The following BCKDHB variants were observed in gnomAD, a reference collection of about 807,000 sequenced individuals.
BCKDHB encodes the protein 2-oxoisovalerate dehydrogenase subunit beta, mitochondrial.
BCKDHB carries 41 observed loss-of-function variants against 48.5 expected under a neutral mutation model. The observed-to-expected ratio is 0.85, with a 90% CI of 0.66 to 1.10. The LOEUF is 1.10. Among genes scored for constraint, BCKDHB ranks in the 50% least tolerant of loss-of-function variants. The pLI, the probability that BCKDHB is intolerant of heterozygous loss-of-function variation, is 0.00. For missense variants in BCKDHB, 496 were observed against 494.2 expected, an observed-to-expected ratio of 1.00 and a Z score of -0.03; for synonymous variants, 201 against 174.8, an observed-to-expected ratio of 1.15 and a Z score of -1.18.
At chr6:80,224,982 T>C (rs1775620986) in intron 8 of BCKDHB, among the ~76,000 whole-genome samples, 1 of 152,242 alleles carries the variant, frequency 6.6e-6, no homozygotes, top group East Asian at 1.9e-4. Context: ...CAGTTTTCCA[T>C]TGTTGAACTG....
At chr6:80,425,021 G>A in the BCKDHB span, among the ~76,000 whole-genome samples, 21 of 152,244 alleles carry the variant, frequency 1.4e-4, no homozygotes, top group East Asian at 3.5e-3. Flanking sequence ...AAGAGGAATG[G>A]CCAAAATTAT....
intron 8 of BCKDHB, among the ~76,000 whole-genome samples, chr6:80,260,704 C>A (rs1777263651): frequency 6.6e-6 from 1 of 152,082 alleles, no homozygotes; most frequent in Non-Finnish European, 1.5e-5. Flanking sequence ...GCTCAAATTT[C>A]TTTTGAACCA....
chr6:80,174,836 A>AGTGTGAGG (rs1467383281), intron 6 of BCKDHB, among the ~76,000 whole-genome samples: 1 of 152,196 alleles, frequency 6.6e-6, no homozygotes, highest in Non-Finnish European at 1.5e-5. Context: ...CCACATCTGC[A>AGTGTGAGG]GTGTGAGGTG....
chr6:80,275,253 G>A (rs1226239186), intron 9 of BCKDHB, among the ~76,000 whole-genome samples: 3 of 151,980 alleles, frequency 2.0e-5, no homozygotes, highest in African/African-American at 7.2e-5. Flanking sequence ...TAAAGACAGT[G>A]GAATATCTGG....
intron 6 of BCKDHB, among the ~76,000 whole-genome samples, chr6:80,198,396 A>G (rs1325040354): frequency 6.6e-6 from 1 of 152,082 alleles, no homozygotes; most frequent in East Asian, 1.9e-4. Context: ...TAGCTTAATT[A>G]TTGTCTATTT....
At chr6:80,333,949 C>A (rs1281363856) in intron 9 of BCKDHB, among the ~76,000 whole-genome samples, 1 of 152,030 alleles carries the variant, frequency 6.6e-6, no homozygotes, top group Non-Finnish European at 1.5e-5. Context: ...CTATACTGAG[C>A]ATGTAATATG....
At chr6:80,307,709 G>A (rs1057248584) in intron 9 of BCKDHB, 3 of 975,032 alleles carry the variant, frequency 3.1e-6, no homozygotes, top group South Asian at 4.7e-5. Flanking sequence ...CTGTGTAAAT[G>A]TCCAGATTGA....
the BCKDHB span, among the ~76,000 whole-genome samples, chr6:80,414,169 TGTTTAA>T: frequency 6.6e-6 from 1 of 152,178 alleles, no homozygotes; most frequent in Non-Finnish European, 1.5e-5. Context: ...CTTGTAAATT[TGTTTAA>T]GTTTCTCATT....
intron 9 of BCKDHB, among the ~76,000 whole-genome samples, chr6:80,329,075 A>G (rs1769191267): frequency 6.6e-6 from 1 of 152,186 alleles, no homozygotes; most frequent in Non-Finnish European, 1.5e-5. Flanking sequence ...TTAAGGCACT[A>G]GATATGGTAA....
chr6:80,310,335 A>T (rs1432591279), intron 9 of BCKDHB, among the ~76,000 whole-genome samples: 1 of 151,926 alleles, frequency 6.6e-6, no homozygotes, highest in Non-Finnish European at 1.5e-5. Flanking sequence ...TCCCACTTAT[A>T]AGTGAGAACA....
chr6:80,140,043 A>G (rs1294752651), intron 3 of BCKDHB, among the ~76,000 whole-genome samples: 1 of 151,970 alleles, frequency 6.6e-6, no homozygotes, highest in Non-Finnish European at 1.5e-5. Context: ...TGGATTCCTA[A>G]GTATTTTATT....
At chr6:80,165,802 C>G (rs980755291) in intron 3 of BCKDHB, among the ~76,000 whole-genome samples, 2 of 152,184 alleles carry the variant, frequency 1.3e-5, no homozygotes, top group Admixed American at 6.5e-5. Context: ...GTGGGCACAG[C>G]TCTTTTAACT....
chr6:80,162,347 C>G (rs920859885), intron 3 of BCKDHB, among the ~76,000 whole-genome samples: 1 of 152,166 alleles, frequency 6.6e-6, no homozygotes, highest in African/African-American at 2.4e-5. Flanking sequence ...TGCCCATATG[C>G]CTTCTTTCCT....
chr6:80,414,401 C>T, the BCKDHB span, among the ~76,000 whole-genome samples: 3 of 152,018 alleles, frequency 2.0e-5, no homozygotes, highest in Admixed American at 2.0e-4. Context: ...TTCTAGGTTG[C>T]CTTCCAAGGT....
chr6:80,285,570 T>C (rs1766588260), intron 9 of BCKDHB, among the ~76,000 whole-genome samples: 1 of 152,096 alleles, frequency 6.6e-6, no homozygotes, highest in Non-Finnish European at 1.5e-5. Flanking sequence ...CTGCCTGCCC[T>C]CTTGCTGCTC....
intron 8 of BCKDHB, among the ~76,000 whole-genome samples, chr6:80,258,913 G>A (rs1653323747): frequency 6.6e-6 from 1 of 152,100 alleles, no homozygotes; most frequent in Non-Finnish European, 1.5e-5. Context: ...TCAAGCTGTA[G>A]TTAGAATGTA....
chr6:80,401,203 C>T, the BCKDHB span, among the ~76,000 whole-genome samples: 2 of 151,510 alleles, frequency 1.3e-5, no homozygotes, highest in Admixed American at 1.3e-4. Flanking sequence ...AAATGTACAC[C>T]TGAAACTAAT....
chr6:80,442,947 G>A, the BCKDHB span, among the ~76,000 whole-genome samples: 1 of 152,176 alleles, frequency 6.6e-6, no homozygotes, highest in Admixed American at 6.6e-5. Flanking sequence ...GTGGGAATGA[G>A]CAACTCCACA....
At chr6:80,162,944 A>G (rs571418326) in intron 3 of BCKDHB, among the ~76,000 whole-genome samples, 1 of 150,772 alleles carries the variant, frequency 6.6e-6, no homozygotes, top group South Asian at 2.1e-4. Context: ...TTTTTTTAAG[A>G]CAGAATTTCA....
Sources: allele counts gnomAD v4.1 joint callset (sites outside exome capture counted in the v4.1 genomes callset), GRCh38; gene constraint gnomAD v4.1.1; transcripts MANE v1.5; gene names NCBI Gene and HGNC (gene_info 2026-07-23, HGNC 2026-07-21).